Variants in RC3H1 observed in about 807,000 individuals in gnomAD.
The protein encoded by RC3H1 is ring finger and CCCH-type domains 1, also known as roquin-1.
RC3H1 carries 50 observed loss-of-function variants against 138.2 expected under a neutral mutation model. The observed-to-expected ratio is 0.36, with a 90% CI of 0.29 to 0.46. The LOEUF (loss-of-function observed/expected upper bound fraction) is 0.46, where lower values mean the gene tolerates loss of function less well. Among genes scored for constraint, RC3H1 ranks in the 20% least tolerant of loss-of-function variants. The probability of loss-of-function intolerance (pLI) is 1.00; values close to 1 mark genes in which losing one functional copy is unlikely to be tolerated. For synonymous variants in RC3H1, 462 were observed against 489.1 expected, an observed-to-expected ratio of 0.94 and a Z score of 0.73; for missense variants, 1,031 against 1,388.1, an observed-to-expected ratio of 0.74 and a Z score of 4.09.
Position 173,936,761 on chromosome 1 carries a change from ATTTTTT to A in RC3H1, c.*1954_*1959del, listed in dbSNP as rs746086742. 51 of 18,548 alleles carry A rather than the reference ATTTTTT, an allele frequency of 2.7e-3. No individual in the cohort carries two copies. Among genetic ancestry groups the A allele is most frequent in the African/African-American group, 0.021 (40 of 1,948 alleles). 1.1% of individuals were successfully genotyped at this position (18,548 alleles called of 1,614,324 possible). A position where few individuals can be genotyped will look rare whatever the true frequency, so the allele number is the denominator to read the frequency against. On this transcript the variant is annotated 3_prime_UTR_variant, in exon 20 of 20. Coordinates refer to ENST00000367696, the MANE Select transcript of RC3H1 (RefSeq NM_172071.4). ...TATATATATATATATATATATATAT[ATTTTTT>A]TTTTTTTTTTTAAAAAAAGAAGACA...
intron 3 of RC3H1, 65 bp from the exon 4 acceptor site, chr1:173,983,722 T>G: frequency 6.4e-7 from 1 of 1,553,134 alleles, no homozygotes; most frequent in South Asian, 1.1e-5. Context: ...GGAGCAATTC[T>G]TCTGTTGGGT....
chr1:174,009,320 A>G (rs1661709475), intron 1 of RC3H1: 2 of 152,140 alleles, frequency 1.3e-5, no homozygotes, highest in Non-Finnish European at 2.9e-5. Context: ...CTGTATAGGC[A>G]TTAATATATG....
rs1041496916 is a variant in RC3H1 at position 173,967,953 on chromosome 1, A to G, written c.1334+2552T>C. Among the ~76,000 whole-genome samples, 10 of 152,268 alleles carry G rather than the reference A, an allele frequency of 6.6e-5. No homozygotes were observed. In the East Asian group the frequency reaches 1.3e-3, roughly 21 times the overall value. On this transcript the variant is annotated intron_variant, in intron 9 of 19. Transcript: ENST00000367696. ...TCCTAAATATTTAAATCTCTTATACATCTAGAGTTCATTTTAGTATAAAGA... is the reference window on the plus strand; with the variant it reads ...TCCTAAATATTTAAATCTCTTATACGTCTAGAGTTCATTTTAGTATAAAGA...
intron 9 of RC3H1, among the ~76,000 whole-genome samples, chr1:173,967,246 G>C (rs75221896): frequency 6.6e-6 from 1 of 152,036 alleles, no homozygotes; most frequent in Non-Finnish European, 1.5e-5. Context: ...ATTGGAGCCT[G>C]GAAGTCGAGG....
At chr1:173,963,354 T>C (rs1279504055) in intron 11 of RC3H1, among the ~76,000 whole-genome samples, 5 of 152,142 alleles carry the variant, frequency 3.3e-5, no homozygotes, top group Non-Finnish European at 7.4e-5. Flanking sequence ...CTCAATGATC[T>C]CCCTTGAGTC....
chr1:174,013,581 A>G (rs769976203), intron 1 of RC3H1, among the ~76,000 whole-genome samples: 1 of 151,918 alleles, frequency 6.6e-6, no homozygotes, highest in Non-Finnish European at 1.5e-5. Flanking sequence ...AGCTGGGACT[A>G]TAGGTTCACA....
chr1:173,977,923 G>C (rs1281573800), intron 7 of RC3H1, among the ~76,000 whole-genome samples: 1 of 152,224 alleles, frequency 6.6e-6, no homozygotes, highest in Non-Finnish European at 1.5e-5. Flanking sequence ...GAATCTACTA[G>C]TGAATATTAA....
At chr1:173,989,710 G>GTTTT (rs372808172) in intron 2 of RC3H1, among the ~76,000 whole-genome samples, 22 of 103,224 alleles carry the variant, frequency 2.1e-4, no homozygotes, top group South Asian at 6.2e-4. Flanking sequence ...GTTTATTCAA[G>GTTTT]TTTTTTTTTT....
intron 2 of RC3H1, among the ~76,000 whole-genome samples, chr1:173,985,870 C>T (rs1372236994): frequency 5.3e-5 from 8 of 152,114 alleles, no homozygotes; most frequent in African/African-American, 1.2e-4. Flanking sequence ...GCTTATTATC[C>T]ATTTGTATAT....
rs544672023 is a variant in RC3H1, at chr1:173,965,218, T to A, written c.1335-98A>T. 4.6e-6 allele frequency: 5 copies of A among 1,081,578 alleles called. No individual in the cohort carries two copies. In the Admixed American group the frequency reaches 1.4e-4, roughly 30 times the overall value. 67.0% of individuals were successfully genotyped at this position (1,081,578 alleles called of 1,614,324 possible). A position where few individuals can be genotyped will look rare whatever the true frequency, so the allele number is the denominator to read the frequency against. On this transcript the variant is annotated intron_variant, in intron 9 of 19. Transcript: ENST00000367696. Reference sequence around the variant, plus strand: ...ATTATTTTCTAGAAATATTCTCTCTTGAAACATTAACTCTATCAGTGTGTA... The same window carrying A: ...ATTATTTTCTAGAAATATTCTCTCTAGAAACATTAACTCTATCAGTGTGTA...
intron 18 of RC3H1, among the ~76,000 whole-genome samples, chr1:173,942,821 G>A (rs943497893): frequency 2.0e-5 from 3 of 149,864 alleles, no homozygotes; most frequent in African/African-American, 4.9e-5. Flanking sequence ...CAGAGACTCC[G>A]CCTCAAAAAA....
intron 1 of RC3H1, among the ~76,000 whole-genome samples, chr1:174,009,097 T>C (rs1423451463): frequency 2.0e-5 from 3 of 151,980 alleles, no homozygotes; most frequent in Non-Finnish European, 2.9e-5. Flanking sequence ...CTCCAAAATA[T>C]GTAATGATGA....
At chr1:173,965,704 T>A (rs866312976) in intron 9 of RC3H1, among the ~76,000 whole-genome samples, 5 of 152,326 alleles carry the variant, frequency 3.3e-5, no homozygotes, top group Middle Eastern at 3.4e-3. Context: ...AGTAGAAAAA[T>A]CTTTAGAAGA....
chr1:174,022,140 GGCCGTCGCCACCGCCGCGGCA>G lies in RC3H1; in HGVS notation c.-216_-196del, dbSNP rs1225025161. The G allele has an allele frequency of 2.0e-5, 8 of 396,362 alleles. No homozygotes were observed. The highest frequency in any genetic ancestry group is 2.2e-5 in the Non-Finnish European group (5 of 225,206). The allele number at this position is 396,362 out of a possible 1,614,324, so 24.6% of individuals were successfully genotyped here. A position where few individuals can be genotyped will look rare whatever the true frequency, so the allele number is the denominator to read the frequency against. ...GCTCCTCTCAGCTCCGAGTCCCCGC[GGCCGTCGCCACCGCCGCGGCA>G]GCCGCCGCCGCCGCCGAGGCCACCG... On this transcript the variant is annotated 5_prime_UTR_variant, in exon 1 of 20. Transcript: ENST00000367696. This position sits in a 1 kb window ranked among gnomAD's most constrained non-coding sequence, Gnocchi z 4.2.
chr1:174,008,652 A>G (rs1272679828), intron 1 of RC3H1, among the ~76,000 whole-genome samples: 1 of 152,172 alleles, frequency 6.6e-6, no homozygotes, highest in Non-Finnish European at 1.5e-5. Context: ...TCTTTATATA[A>G]AGCGGTTTGA....
intron 1 of RC3H1, among the ~76,000 whole-genome samples, chr1:174,004,240 T>C (rs1661612659): frequency 6.6e-6 from 1 of 151,760 alleles, no homozygotes; most frequent in Non-Finnish European, 1.5e-5. Flanking sequence ...GCCTCCCAAG[T>C]AGCCAGGACT....
rs567673839 is a variant in RC3H1 at position 174,021,657 on chromosome 1, T to G, written c.-151+439A>C. Among the ~76,000 whole-genome samples, 5 of 152,102 alleles carry G rather than the reference T, an allele frequency of 3.3e-5. No individual in the cohort carries two copies. In the South Asian group the frequency reaches 1.0e-3, roughly 32 times the overall value. On this transcript the variant is annotated intron_variant, in intron 1 of 19. Coordinates refer to ENST00000367696, the MANE Select transcript of RC3H1 (RefSeq NM_172071.4). ...GCTGGGGGAGGAAGCAGCCCTGAGGTGCTGGGAGGCCGAGGCGGCGCCTGT... is the reference window on the plus strand; with the variant it reads ...GCTGGGGGAGGAAGCAGCCCTGAGGGGCTGGGAGGCCGAGGCGGCGCCTGT...
At chr1:173,993,303 T>C (rs1311919288) in intron 1 of RC3H1, among the ~76,000 whole-genome samples, 168 bp from the exon 2 acceptor site, 4 of 144,332 alleles carry the variant, frequency 2.8e-5, no homozygotes, top group Non-Finnish European at 5.9e-5. Context: ...AGAACATCTA[T>C]TTCCATTCCC....
rs1658572821 is a variant in RC3H1, at chr1:173,936,138, A to C, written c.*2583T>G. ...AGTGTATTTAAAGGAAATGAGAACAAGAATAACAGAAACTGAGTTACTAAG... is the reference window on the plus strand; with the variant it reads ...AGTGTATTTAAAGGAAATGAGAACACGAATAACAGAAACTGAGTTACTAAG... On this transcript the variant is annotated 3_prime_UTR_variant, in exon 20 of 20. Transcript: ENST00000367696. The C allele has an allele frequency of 6.6e-6, 1 of 152,262 alleles. No homozygotes were observed. The highest frequency in any genetic ancestry group is 1.5e-5 in the Non-Finnish European group (1 of 68,042). 9.4% of individuals were successfully genotyped at this position (152,262 alleles called of 1,614,324 possible).
Sources: allele counts gnomAD v4.1 joint callset (sites outside exome capture counted in the v4.1 genomes callset), GRCh38; gene constraint gnomAD v4.1.1; non-coding constraint Gnocchi (gnomAD v3.1); transcripts MANE v1.5; gene names NCBI Gene and HGNC (gene_info 2026-07-23, HGNC 2026-07-21).